Variants in PAK5 observed in about 807,000 individuals in gnomAD.
PAK5 encodes the protein p21 (RAC1) activated kinase 5, also known as serine/threonine-protein kinase PAK 5.
In PAK5, 16 loss-of-function variants were observed where a neutral mutation model predicts 65.9. The ratio of observed to expected loss-of-function variants is 0.24; its 90% CI spans 0.16 to 0.37. PAK5 has a LOEUF of 0.37. Ranked by LOEUF, PAK5 falls within the 10% of genes least tolerant of loss-of-function variation. The pLI is 1.00. For synonymous variants in PAK5, 371 were observed against 354.9 expected (o/e 1.05, Z -0.51); for missense variants, 785 against 903.9 (o/e 0.87, Z 1.69).
chr20:9,587,939 TA>T (rs1190618798), intron 3 of PAK5, among the ~76,000 whole-genome samples: 1 of 152,226 alleles, frequency 6.6e-6, no homozygotes, highest in Admixed American at 6.5e-5. Flanking sequence ...AAATGTACTA[TA>T]TGTATTGTAT....
At chr20:9,753,517 AT>A (rs2048600045) in intron 1 of PAK5, among the ~76,000 whole-genome samples, 1 of 152,120 alleles carries the variant, frequency 6.6e-6, no homozygotes, top group Admixed American at 6.5e-5. Context: ...ACAGAGGAGT[AT>A]TTTTTTCTTA....
chr20:9,807,623 A>G lies in PAK5; in HGVS notation c.-162+31139T>C, dbSNP rs966290465. On this transcript the variant is annotated intron_variant, in intron 1 of 9. Transcript: ENST00000353224. The stretch of plus-strand genomic sequence containing the variant: ...TACAAGTCAATGTGGCAGGGATACT[A>G]AAAATTCCCCATTCCCTTCCTGAAT... Among the ~76,000 whole-genome samples, 21 of 152,172 alleles carry G rather than the reference A, an allele frequency of 1.4e-4. No individual in the cohort carries two copies. In the South Asian group the frequency reaches 2.1e-3, roughly 15 times the overall value.
intron 2 of PAK5, among the ~76,000 whole-genome samples, chr20:9,705,589 T>C (rs1040145391): frequency 6.6e-6 from 1 of 152,146 alleles, no homozygotes; most frequent in Non-Finnish European, 1.5e-5. Context: ...GTCCTGGTTT[T>C]AGCACCAAAA....
At chr20:9,539,845 T>C (rs2045231510) in intron 9 of PAK5, among the ~76,000 whole-genome samples, 1 of 152,214 alleles carries the variant, frequency 6.6e-6, no homozygotes, top group South Asian at 2.1e-4. Flanking sequence ...CAACTAAGAA[T>C]GAAAACTTAT....
chr20:9,562,902 C>A lies in PAK5; in HGVS notation c.1605G>T (p.Val535=). The change falls in exon 6 of 10, where the codon GTG becomes GTT. Residue 535 remains valine (V), a synonymous_variant. Transcript: ENST00000353224. ...FLEGGALTDI[V]THTRMNEEQI... is the part of the protein sequence containing the mutation. ...ATAAAGAAGCCTACCTGGTGTGAGTCACAATGTCTGTCAAGGCACCACCTT... is the reference window on the plus strand; with the variant it reads ...ATAAAGAAGCCTACCTGGTGTGAGTAACAATGTCTGTCAAGGCACCACCTT... The A allele has an allele frequency of 6.2e-7, 1 of 1,613,618 alleles. No individual in the cohort carries two copies. The highest frequency in any genetic ancestry group is 1.1e-5 in the South Asian group (1 of 91,042).
chr20:9,767,010 C>A (rs951796019), intron 1 of PAK5, among the ~76,000 whole-genome samples: 5 of 152,006 alleles, frequency 3.3e-5, no homozygotes, highest in Non-Finnish European at 5.9e-5. Context: ...TGATGCCTGA[C>A]CATGGCCCCC....
intron 7 of PAK5, among the ~76,000 whole-genome samples, chr20:9,544,839 A>G (rs2045319802): frequency 6.6e-6 from 1 of 152,264 alleles, no homozygotes; most frequent in Non-Finnish European, 1.5e-5. Context: ...AATATAATGT[A>G]ACAGGTGATG....
At chr20:9,713,927 G>A (rs182629956) in intron 1 of PAK5, among the ~76,000 whole-genome samples, 443 of 152,060 alleles carry the variant, frequency 2.9e-3, no homozygotes, top group Non-Finnish European at 4.0e-3. Context: ...GAAGGAATAA[G>A]TTCTAATATT....
intron 3 of PAK5, among the ~76,000 whole-genome samples, chr20:9,587,201 G>A (rs1205152398): frequency 1.3e-5 from 2 of 152,106 alleles, no homozygotes; most frequent in Admixed American, 6.5e-5. Flanking sequence ...AAGAAGAAAG[G>A]AAGCTACAAA....
At chr20:9,784,808 G>GA (rs1032934426) in intron 1 of PAK5, among the ~76,000 whole-genome samples, 79 of 146,630 alleles carry the variant, frequency 5.4e-4, no homozygotes, top group East Asian at 1.0e-3. Flanking sequence ...AGTAAAAAAA[G>GA]AAAAAAAAAA....
chr20:9,708,008 T>C (rs1183611284), intron 2 of PAK5, among the ~76,000 whole-genome samples: 1 of 152,194 alleles, frequency 6.6e-6, no homozygotes, highest in Non-Finnish European at 1.5e-5. Flanking sequence ...TTTTTACTGA[T>C]CCTGTTCAAT....
At position 9,627,688 on chromosome 20, in the gene PAK5, A is replaced by G. The variant is rs571723352; in HGVS notation, c.204+16437T>C. 2.0e-5 allele frequency among the ~76,000 whole-genome samples: 3 copies of G among 151,834 alleles called. No individual in the cohort carries two copies. In the South Asian group the frequency reaches 6.3e-4, roughly 32 times the overall value. The stretch of plus-strand genomic sequence containing the variant: ...GTCACTCAGGCTGGAGTGCAGTGGC[A>G]CGATCTCTGCTTACTGCAACCTCCG... On this transcript the variant is annotated intron_variant, in intron 3 of 9. Transcript: ENST00000353224.
intron 1 of PAK5, among the ~76,000 whole-genome samples, chr20:9,774,888 G>A (rs936041205): frequency 6.6e-5 from 10 of 152,128 alleles, no homozygotes; most frequent in Admixed American, 3.9e-4. Flanking sequence ...CCCAGGAGGC[G>A]GAGCTTGCAG....
At chr20:9,550,809 G>A (rs1320296465) in intron 7 of PAK5, among the ~76,000 whole-genome samples, 1 of 151,822 alleles carries the variant, frequency 6.6e-6, no homozygotes, top group African/African-American at 2.4e-5. Context: ...CCAATACACA[G>A]AGAGTAGAGG....
chr20:9,597,613 T>C (rs562166767), intron 3 of PAK5, among the ~76,000 whole-genome samples: 19 of 152,320 alleles, frequency 1.2e-4, no homozygotes, highest in African/African-American at 4.6e-4. Flanking sequence ...CCTCCTCCCA[T>C]CAGGAGATGG....
intron 1 of PAK5, among the ~76,000 whole-genome samples, chr20:9,816,043 G>A (rs1476491136): frequency 6.6e-6 from 1 of 152,096 alleles, no homozygotes; most frequent in Non-Finnish European, 1.5e-5. Flanking sequence ...TGAAAGTTCT[G>A]AATTATAGGA....
chr20:9,580,865 G>A lies in PAK5; in HGVS notation c.270C>T (p.Asp90=). 6.2e-7 allele frequency: 1 copy of A among 1,613,046 alleles called. No homozygotes were observed. The highest frequency in any genetic ancestry group is 8.5e-7 in the Non-Finnish European group (1 of 1,179,580). Residue 90 remains aspartate, a synonymous_variant, in exon 4 of 10, where the codon GAC becomes GAT. Transcript: ENST00000353224. ...AGTTGGAGCGAGTCACCGAGATGTTGTCAAAATCCTCTAGCAGGCCGTTGA... is the reference window on the plus strand; with the variant it reads ...AGTTGGAGCGAGTCACCGAGATGTTATCAAAATCCTCTAGCAGGCCGTTGA... ...TSINGLLEDF[D]NISVTRSNSL... is the part of the protein sequence containing the mutation.
intron 2 of PAK5, among the ~76,000 whole-genome samples, chr20:9,679,159 C>A (rs1316102941): frequency 6.6e-6 from 1 of 152,144 alleles, no homozygotes; most frequent in African/African-American, 2.4e-5. Flanking sequence ...AATATATTTT[C>A]TCTTGCCTGT....
chr20:9,728,912 A>T (rs1164903207), intron 1 of PAK5, among the ~76,000 whole-genome samples: 2 of 152,202 alleles, frequency 1.3e-5, no homozygotes, highest in African/African-American at 4.8e-5. Flanking sequence ...ACTACAAAAT[A>T]ATGCCAATTC....
Sources: allele counts gnomAD v4.1 joint callset (sites outside exome capture counted in the v4.1 genomes callset), GRCh38; gene constraint gnomAD v4.1.1; transcripts MANE v1.5; gene names NCBI Gene and HGNC (gene_info 2026-07-23, HGNC 2026-07-21).